DLG2: variants seen among roughly 807,000 people sequenced by gnomAD.
DLG2 encodes the protein disks large homolog 2.
DLG2 carries 45 observed loss-of-function variants against 132.5 expected under a neutral mutation model. The observed-to-expected ratio is 0.34, with a 90% CI of 0.27 to 0.44. The LOEUF (loss-of-function observed/expected upper bound fraction) is 0.44, where lower values mean the gene tolerates loss of function less well. Ranked by LOEUF, DLG2 falls within the 20% of genes least tolerant of loss-of-function variation. The pLI, the probability that DLG2 is intolerant of heterozygous loss-of-function variation, is 1.00. For synonymous variants in DLG2, 424 were observed against 419.6 expected, an observed-to-expected ratio of 1.01 and a Z score of -0.13; for missense variants, 1,045 against 1,196.9, an observed-to-expected ratio of 0.87 and a Z score of 1.87.
intron 6 of DLG2, among the ~76,000 whole-genome samples, chr11:84,617,024 G>A (rs1452376180): frequency 1.3e-5 from 2 of 149,932 alleles, no homozygotes; most frequent in African/African-American, 2.5e-5. Flanking sequence ...TGGGGTACAA[G>A]TGCAGAATGT....
At chr11:83,961,687 A>C (rs2088838468) in intron 14 of DLG2, among the ~76,000 whole-genome samples, 1 of 152,046 alleles carries the variant, frequency 6.6e-6, no homozygotes, top group Non-Finnish European at 1.5e-5. Flanking sequence ...TTCTAAATTA[A>C]AATCATATCA....
intron 6 of DLG2, among the ~76,000 whole-genome samples, chr11:85,044,547 C>G (rs981986908): frequency 2.0e-5 from 3 of 152,000 alleles, no homozygotes; most frequent in Non-Finnish European, 4.4e-5. Context: ...CCTTCTCACG[C>G]AACCTCCAGA....
intron 8 of DLG2, among the ~76,000 whole-genome samples, chr11:84,201,058 T>C (rs2123818): frequency 0.72 from 109,933 of 152,042 alleles, 41,741 homozygotes; most frequent in Middle Eastern, 0.87. Flanking sequence ...CTTTTGCTCA[T>C]TCAGTATGAT....
intron 3 of DLG2, among the ~76,000 whole-genome samples, chr11:85,367,140 A>T (rs984601209): frequency 2.6e-5 from 4 of 152,182 alleles, no homozygotes; most frequent in African/African-American, 7.2e-5. Flanking sequence ...CGTTTTAAAA[A>T]ATAATTTCAA....
intron 19 of DLG2, among the ~76,000 whole-genome samples, chr11:83,596,713 C>A (rs897483324): frequency 1.3e-5 from 2 of 152,208 alleles, no homozygotes; most frequent in Admixed American, 1.3e-4. Flanking sequence ...TCTGCAGTTT[C>A]CACGTTTTAA....
chr11:85,513,104 C>A (rs566710810), intron 3 of DLG2, among the ~76,000 whole-genome samples: 6 of 151,996 alleles, frequency 3.9e-5, no homozygotes, highest in Non-Finnish European at 7.4e-5. Flanking sequence ...GAAAACAAAA[C>A]ACAGCATATT....
chr11:83,882,350 T>C (rs1030361125), intron 15 of DLG2, among the ~76,000 whole-genome samples: 11 of 152,192 alleles, frequency 7.2e-5, no homozygotes, highest in African/African-American at 1.7e-4. Context: ...AAGTGTAAGA[T>C]TGTACTAATG....
chr11:85,614,354 T>C (rs1407061083), intron 2 of DLG2, among the ~76,000 whole-genome samples: 1 of 151,810 alleles, frequency 6.6e-6, no homozygotes, highest in Admixed American at 6.6e-5. Context: ...TTAAAATGTA[T>C]AGTTCGGCCG....
chr11:84,254,789 T>C (rs1269582361), intron 7 of DLG2, among the ~76,000 whole-genome samples: 1 of 152,244 alleles, frequency 6.6e-6, no homozygotes, highest in Non-Finnish European at 1.5e-5. Flanking sequence ...ATGTGGAATC[T>C]ATGTTATATG....
At chr11:83,600,642 G>C (rs2058390970) in intron 19 of DLG2, among the ~76,000 whole-genome samples, 1 of 152,138 alleles carries the variant, frequency 6.6e-6, no homozygotes, top group Admixed American at 6.5e-5. Flanking sequence ...GTGCAGACTG[G>C]GGCCTCTGCC....
intron 7 of DLG2, among the ~76,000 whole-genome samples, chr11:84,401,837 C>T (rs2098830723): frequency 6.6e-6 from 1 of 152,172 alleles, no homozygotes; most frequent in African/African-American, 2.4e-5. Flanking sequence ...CGCCTGCCAC[C>T]ACACCAGGCT....
At chr11:85,564,140 A>T (rs1319107822) in intron 3 of DLG2, among the ~76,000 whole-genome samples, 2 of 152,106 alleles carry the variant, frequency 1.3e-5, no homozygotes, top group Non-Finnish European at 2.9e-5. Flanking sequence ...TACAGTTGTA[A>T]GACTTCTTTA....
intron 6 of DLG2, among the ~76,000 whole-genome samples, chr11:85,017,675 A>T (rs2059685524): frequency 6.6e-6 from 1 of 152,232 alleles, no homozygotes; most frequent in African/African-American, 2.4e-5. Context: ...TGAGAAAAGT[A>T]ATCAAGTCAC....
chr11:84,584,926 G>C (rs1178535383), intron 6 of DLG2, among the ~76,000 whole-genome samples: 1 of 150,756 alleles, frequency 6.6e-6, no homozygotes. Flanking sequence ...CTGACCTCGT[G>C]ATCCGCCCGC....
At chr11:84,683,966 A>G (rs1289895151) in intron 6 of DLG2, among the ~76,000 whole-genome samples, 1 of 152,198 alleles carries the variant, frequency 6.6e-6, no homozygotes, top group Non-Finnish European at 1.5e-5. Flanking sequence ...AGCATCTTGA[A>G]TTTACAAATT....
chr11:84,688,725 G>A (rs1249627449), intron 6 of DLG2, among the ~76,000 whole-genome samples: 1 of 152,080 alleles, frequency 6.6e-6, no homozygotes, highest in Non-Finnish European at 1.5e-5. Context: ...ATTTCACTTG[G>A]AAAAAGGCCC....
intron 5 of DLG2, among the ~76,000 whole-genome samples, chr11:85,145,215 A>G (rs1418435825): frequency 6.6e-6 from 1 of 151,834 alleles, no homozygotes; most frequent in East Asian, 1.9e-4. Context: ...GCTCCCTTGC[A>G]ATGTTGCTTG....
At chr11:84,030,142 C>G (rs1327537862) in intron 11 of DLG2, among the ~76,000 whole-genome samples, 1 of 152,006 alleles carries the variant, frequency 6.6e-6, no homozygotes, top group Non-Finnish European at 1.5e-5. Flanking sequence ...TTTCACTCAC[C>G]AATATAAATT....
intron 18 of DLG2, among the ~76,000 whole-genome samples, chr11:83,709,058 G>A (rs958497151): frequency 3.3e-5 from 5 of 152,010 alleles, no homozygotes; most frequent in African/African-American, 9.7e-5. Context: ...GTACTCAACC[G>A]CTGCTTGTTC....
Sources: gnomAD v4.1 joint callset for allele counts (sites outside exome capture counted in the v4.1 genomes callset) on GRCh38, gnomAD v4.1.1 for gene constraint, MANE v1.5 for transcripts, NCBI Gene and HGNC (gene_info 2026-07-23, HGNC 2026-07-21) for gene names.